CAMTA1: variants seen among roughly 807,000 people sequenced by gnomAD.
The protein encoded by CAMTA1 is calmodulin-binding transcription activator 1.
Under a neutral mutation model 170.9 loss-of-function variants are expected in CAMTA1, and 27 were observed. That is an observed-to-expected ratio of 0.16 (90% confidence interval 0.12 to 0.22). The LOEUF (loss-of-function observed/expected upper bound fraction) is 0.22, where lower values mean the gene tolerates loss of function less well. Among genes scored for constraint, CAMTA1 ranks in the 10% least tolerant of loss-of-function variants. The probability of loss-of-function intolerance (pLI) is 1.00; values close to 1 mark genes in which losing one functional copy is unlikely to be tolerated. For synonymous variants in CAMTA1, 833 were observed against 891.5 expected, an observed-to-expected ratio of 0.93 and a Z score of 1.17; for missense variants, 1,619 against 2,217.2, an observed-to-expected ratio of 0.73 and a Z score of 5.42.
rs996240484 is a variant in CAMTA1 at position 7,012,663 on chromosome 1, G to A, written c.235-78641G>A. On this transcript the variant is annotated intron_variant, in intron 3 of 22. Coordinates refer to ENST00000303635, the MANE Select transcript of CAMTA1 (RefSeq NM_015215.4). ...GTGGCTGATTGCCCCTCTCTGTGAC[G>A]CACTTCCTTCCCTTCGTGCCACCTC... Among the ~76,000 whole-genome samples, 8 of 152,104 alleles carry A rather than the reference G, an allele frequency of 5.3e-5. No homozygotes were observed. The South Asian group carries it at 8.3e-4, about 16-fold the overall frequency.
rs1456756686 is a variant in CAMTA1, at chr1:7,249,483, GT to G, written c.303-5del. ...ACTCTTGGTAACTTAACCATTTGTTGTTTCCAGACCACAGAATGGCTCAATG... is the reference window on the plus strand; with the variant it reads ...ACTCTTGGTAACTTAACCATTTGTTGTTCCAGACCACAGAATGGCTCAATG... On this transcript the variant is annotated splice_polypyrimidine_tract_variant and splice_region_variant and intron_variant, in intron 4 of 22. Coordinates refer to ENST00000303635, the MANE Select transcript of CAMTA1 (RefSeq NM_015215.4). This position sits in a 1 kb window ranked among gnomAD's most constrained non-coding sequence, Gnocchi z 4.4. 6.2e-7 allele frequency: 1 copy of G among 1,609,112 alleles called. No individual in the cohort carries two copies. Among genetic ancestry groups the G allele is most frequent in the Admixed American group, 1.7e-5 (1 of 59,464 alleles).
intron 5 of CAMTA1, among the ~76,000 whole-genome samples, chr1:7,372,615 G>A (rs1006780414): frequency 2.6e-5 from 4 of 152,148 alleles, no homozygotes; most frequent in Admixed American, 1.3e-4. Flanking sequence ...CTTCATCACC[G>A]TCAGTGTTAA....
intron 3 of CAMTA1, chr1:6,852,945 T>C (rs1660963300): frequency 6.6e-6 from 1 of 152,036 alleles, no homozygotes; most frequent in Admixed American, 6.6e-5. Context: ...CCGAGAGTCC[T>C]CTCATCATAA....
At chr1:7,611,573 G>C (rs890808832) in intron 6 of CAMTA1, among the ~76,000 whole-genome samples, 1 of 152,222 alleles carries the variant, frequency 6.6e-6, no homozygotes, top group Non-Finnish European at 1.5e-5. Flanking sequence ...GCCAAGTGGT[G>C]CCTGATGTTG....
rs2094956612 is a variant in CAMTA1 at position 7,561,498 on chromosome 1, T to C, written c.511-78902T>C. Among the ~76,000 whole-genome samples, 1 of 151,590 alleles carries C rather than the reference T, an allele frequency of 6.6e-6. No individual in the cohort carries two copies. Among genetic ancestry groups the C allele is most frequent in the Admixed American group, 6.6e-5 (1 of 15,254 alleles). On this transcript the variant is annotated intron_variant, in intron 6 of 22. Transcript: ENST00000303635. The surrounding 1 kb of genome is among the most constrained non-coding windows in gnomAD (Gnocchi z 5.3). ...CGGCACCAGCACACTCCTCATCCTC[T>C]AGGATGAGCCCAAGCAGAGGTGAGA... is the stretch of plus-strand genomic sequence containing the variant.
At chr1:7,422,367 C>T (rs2091619714) in intron 5 of CAMTA1, among the ~76,000 whole-genome samples, 1 of 152,052 alleles carries the variant, frequency 6.6e-6, no homozygotes, top group South Asian at 2.1e-4. Context: ...GGCTTCAGGA[C>T]CAGGGAAGCC....
intron 3 of CAMTA1, among the ~76,000 whole-genome samples, chr1:6,852,255 G>A (rs926136217): frequency 6.6e-6 from 1 of 152,018 alleles, no homozygotes; most frequent in African/African-American, 2.4e-5. Flanking sequence ...AAAAGAAAAA[G>A]CCAAAACCCC....
intron 4 of CAMTA1, among the ~76,000 whole-genome samples, chr1:7,105,526 C>T (rs951996193): frequency 6.6e-6 from 1 of 152,220 alleles, no homozygotes; most frequent in Non-Finnish European, 1.5e-5. Flanking sequence ...CCACTGAGCA[C>T]TGGGCTGTTG....
At position 6,850,365 on chromosome 1, in the gene CAMTA1, A is replaced by C. The variant is rs114465292; in HGVS notation, c.234+25155A>C. On this transcript the variant is annotated intron_variant, in intron 3 of 22. Transcript: ENST00000303635. ...CCTTCATATCTAAATGATCTATCAA[A>C]AAAATGAATAACTGAAGGTTTCTGG... Among the ~76,000 whole-genome samples, 442 of 152,342 alleles carry C rather than the reference A, an allele frequency of 2.9e-3. 3 individuals are homozygous for C. The highest frequency in any genetic ancestry group is 0.01 in the African/African-American group (423 of 41,576).
At chr1:7,493,358 TACAA>T (rs1454700532) in intron 6 of CAMTA1, among the ~76,000 whole-genome samples, 2 of 111,388 alleles carry the variant, frequency 1.8e-5, no homozygotes, top group East Asian at 2.7e-4. Context: ...AACACAAACA[TACAA>T]ACACACGTGC....
chr1:7,401,701 A>T (rs2089918282), intron 5 of CAMTA1, among the ~76,000 whole-genome samples: 1 of 152,236 alleles, frequency 6.6e-6, no homozygotes, highest in East Asian at 1.9e-4. Flanking sequence ...GATCTTAAAC[A>T]TATTTAGTTT....
At position 7,558,398 on chromosome 1, in the gene CAMTA1, C is replaced by T. The variant is rs568772694; in HGVS notation, c.511-82002C>T. Among the ~76,000 whole-genome samples, 108 of 152,364 alleles carry T rather than the reference C, an allele frequency of 7.1e-4. 1 individual carries two copies. Among genetic ancestry groups the T allele is most frequent in the African/African-American group, 2.5e-3 (106 of 41,598 alleles). Reference sequence around the variant, plus strand: ...TCTGGATGGGACCCAGGAGCCAACACGCCGTGCCCCTCCAGCCATCCAGGA... The same window carrying T: ...TCTGGATGGGACCCAGGAGCCAACATGCCGTGCCCCTCCAGCCATCCAGGA... On this transcript the variant is annotated intron_variant, in intron 6 of 22. Coordinates refer to ENST00000303635, the MANE Select transcript of CAMTA1 (RefSeq NM_015215.4).
chr1:7,501,617 A>AGTT (rs2094006763), intron 6 of CAMTA1, among the ~76,000 whole-genome samples: 2 of 86,836 alleles, frequency 2.3e-5, no homozygotes, highest in Non-Finnish European at 6.1e-5. Flanking sequence ...GATAAACAAC[A>AGTT]GTTTTTTTTT....
intron 3 of CAMTA1, among the ~76,000 whole-genome samples, chr1:7,077,317 A>C (rs1639432286): frequency 6.8e-6 from 1 of 146,552 alleles, no homozygotes; most frequent in South Asian, 2.1e-4. Flanking sequence ...GCAGGCTCTC[A>C]CACCCTCCTT....
intron 6 of CAMTA1, among the ~76,000 whole-genome samples, chr1:7,573,517 G>A (rs1219035555): frequency 6.6e-6 from 1 of 152,210 alleles, no homozygotes; most frequent in African/African-American, 2.4e-5. Flanking sequence ...TGCTCTCACG[G>A]TGCAGGAGTC....
chr1:7,666,983 G>A (rs2096007199), intron 9 of CAMTA1, among the ~76,000 whole-genome samples: 1 of 152,176 alleles, frequency 6.6e-6, no homozygotes, highest in Non-Finnish European at 1.5e-5. Flanking sequence ...CCGCCTCCCA[G>A]GTTCAAGCGA....
chr1:7,751,376 G>A lies in CAMTA1; in HGVS notation c.4867G>A (p.Val1623Ile). 1 of 1,596,338 alleles carries A rather than the reference G, an allele frequency of 6.3e-7. No homozygotes were observed. The highest frequency in any genetic ancestry group is 8.5e-7 in the Non-Finnish European group (1 of 1,174,286). Residue 1623 changes from valine (V) to isoleucine (I), a missense_variant, in exon 20 of 23, where the codon GTA becomes ATA. Transcript: ENST00000303635. ...GCAGGCTCGCCGGACGGCTGTGATT[G>A]TACAACAGAAACTCAGGTGGGTGGA... is the stretch of plus-strand genomic sequence containing the variant. ...RRQARRTAVI[V>I]QQKLRSSLLT...
rs1295659394 is a variant in CAMTA1, at chr1:7,668,423, ACACACACACC to A, written c.2653-2484_2653-2475del. Among the ~76,000 whole-genome samples the A allele has an allele frequency of 3.9e-4, 56 of 141,908 alleles. No individual in the cohort carries two copies. The East Asian group carries it at 4.2e-3, about 11-fold the overall frequency. 93.1% of individuals were successfully genotyped at this position (141,908 alleles called of 152,430 possible). A position where few individuals can be genotyped will look rare whatever the true frequency, so the allele number is the denominator to read the frequency against. On this transcript the variant is annotated intron_variant, in intron 9 of 22. Transcript: ENST00000303635. ...CACACACACACACACACACACACACACACACACACCCACCACACACCCCAGAGGCGTCCCC... is the reference window on the plus strand; with the variant it reads ...CACACACACACACACACACACACACACACCACACACCCCAGAGGCGTCCCC...
At chr1:7,062,772 G>A (rs561818992) in intron 3 of CAMTA1, among the ~76,000 whole-genome samples, 1 of 152,334 alleles carries the variant, frequency 6.6e-6, no homozygotes, top group East Asian at 1.9e-4. Flanking sequence ...TACCGGCAGG[G>A]CCAGGCTTCC....
Sources: allele counts gnomAD v4.1 joint callset (sites outside exome capture counted in the v4.1 genomes callset), GRCh38; gene constraint gnomAD v4.1.1; non-coding constraint Gnocchi (gnomAD v3.1); transcripts MANE v1.5; gene names NCBI Gene and HGNC (gene_info 2026-07-23, HGNC 2026-07-21).